Variants in AKNAD1 observed in about 807,000 individuals in gnomAD.
AKNAD1 encodes protein AKNAD1.
AKNAD1 carries 67 observed loss-of-function variants against 90.8 expected under a neutral mutation model. That is an observed-to-expected ratio of 0.74 (90% CI 0.61 to 0.90). The LOEUF (loss-of-function observed/expected upper bound fraction) is 0.90. Ranked by LOEUF, AKNAD1 falls within the 40% of genes least tolerant of loss-of-function variation. AKNAD1 has a pLI of 0.00. For synonymous variants in AKNAD1, 327 were observed against 341.4 expected, an observed-to-expected ratio of 0.96 and a Z score of 0.46; for missense variants, 957 against 975.4, an observed-to-expected ratio of 0.98 and a Z score of 0.25.
rs775891282 is a variant in AKNAD1 at position 108,851,985 on chromosome 1, C to A, written c.680G>T (p.Ser227Ile). The A allele has an allele frequency of 1.2e-6, 2 of 1,614,134 alleles. No individual in the cohort carries two copies. Among genetic ancestry groups the A allele is most frequent in the South Asian group, 2.2e-5 (2 of 91,080 alleles). Residue 227 changes from serine to isoleucine, a missense_variant, in exon 2 of 16, where the codon AGT becomes ATT. Ser to Ile is a moderately radical substitution (Grantham distance 142). Transcript: ENST00000370001. Reference protein sequence around the residue: ...KTKGPGDKQKSYQGQSPQKQQ... With the variant: ...KTKGPGDKQKIYQGQSPQKQQ... Reference sequence around the variant, plus strand: ...TTTCTGGGGTGACTGCCCTTGATAACTTTTTTGTTTATCACCTGGACCCTT... The same window carrying A: ...TTTCTGGGGTGACTGCCCTTGATAAATTTTTTGTTTATCACCTGGACCCTT...
rs1664713045 is a variant in AKNAD1, at chr1:108,846,768, G to T, written c.1245+1984C>A. 2.6e-5 allele frequency among the ~76,000 whole-genome samples: 4 copies of T among 151,990 alleles called. No homozygotes were observed. In the South Asian group the frequency reaches 8.3e-4, roughly 32 times the overall value. On this transcript the variant is annotated intron_variant, in intron 5 of 15. Coordinates refer to ENST00000370001, the MANE Select transcript of AKNAD1 (RefSeq NM_152763.5). ...ATTTCTCACCCAAACAGCTCTGCAG[G>T]CCAGATCCACTGGTCTAACTGCCTA...
At chr1:108,818,123 A>G (rs1663682761) in intron 14 of AKNAD1, among the ~76,000 whole-genome samples, 2 of 152,026 alleles carry the variant, frequency 1.3e-5, no homozygotes, top group Non-Finnish European at 2.9e-5. Context: ...CACTGCCTGG[A>G]GTTAGGCTTT....
chr1:108,827,402 G>T lies in AKNAD1; in HGVS notation c.1839-100C>A, dbSNP rs1027282730. The stretch of plus-strand genomic sequence containing the variant: ...AAACGTTAAATTTTGTTATATTAGA[G>T]CCTGGAACAGTGTAGGAGGGGCTTG... On this transcript the variant is annotated intron_variant, in intron 10 of 15. Coordinates refer to ENST00000370001, the MANE Select transcript of AKNAD1 (RefSeq NM_152763.5). 3 of 858,950 alleles carry T rather than the reference G, an allele frequency of 3.5e-6. No individual in the cohort carries two copies. In the African/African-American group the frequency reaches 5.0e-5, roughly 14 times the overall value. 53.2% of individuals were successfully genotyped at this position (858,950 alleles called of 1,614,324 possible).
chr1:108,852,447 A>G lies in AKNAD1; in HGVS notation c.218T>C (p.Leu73Pro), dbSNP rs1200756923. Residue 73 changes from leucine to proline, a missense_variant, in exon 2 of 16, where the codon CTG (leucine) becomes CCG (proline). Physicochemically the swap from Leu to Pro is moderately conservative, Grantham distance 98. Coordinates refer to ENST00000370001, the MANE Select transcript of AKNAD1 (RefSeq NM_152763.5). ...TCGNTAVTIPLGKITENAANK... is the reference protein window; with the variant it reads ...TCGNTAVTIPPGKITENAANK... ...GGCAGCATTTTCAGTAATTTTACCC[A>G]GGGGTATGGTCACAGCTGTATTTCC... The G allele has an allele frequency of 6.2e-7, 1 of 1,613,718 alleles. No homozygotes were observed. Among genetic ancestry groups the G allele is most frequent in the East Asian group, 2.2e-5 (1 of 44,886 alleles).
Position 108,851,815 on chromosome 1 carries a change from T to C in AKNAD1, c.850A>G (p.Lys284Glu), listed in dbSNP as rs1439141200. ...KIINKPLAIA[K>E]QASFSSKSRD... ...GACTTGGAAGAAAAGCTGGCTTGTT[T>C]AGCTATTGCAAGTGGTTTATTAATT... is the stretch of plus-strand genomic sequence containing the variant. The change falls in exon 2 of 16, where the codon AAA becomes GAA. Residue 284 changes from lysine to glutamate, a missense_variant. Lys to Glu is a moderately conservative substitution (Grantham distance 56). Transcript: ENST00000370001. 17 of 1,614,072 alleles carry C rather than the reference T, an allele frequency of 1.1e-5. No individual in the cohort carries two copies. The East Asian group carries it at 3.6e-4, about 34-fold the overall frequency.
At chr1:108,829,970 T>A (rs1316955598) in intron 10 of AKNAD1, among the ~76,000 whole-genome samples, 2 of 152,208 alleles carry the variant, frequency 1.3e-5, no homozygotes, top group Non-Finnish European at 2.9e-5. Context: ...CTGAGGATTT[T>A]ACATGATTTA....
intron 6 of AKNAD1, among the ~76,000 whole-genome samples, chr1:108,840,715 C>A (rs1427728802): frequency 3.3e-5 from 5 of 151,904 alleles, no homozygotes; most frequent in Non-Finnish European, 7.4e-5. Flanking sequence ...ATATAAGGGG[C>A]TTTTTCAACC....
At chr1:108,832,444 C>T (rs1237650360) in intron 9 of AKNAD1, among the ~76,000 whole-genome samples, 1 of 151,922 alleles carries the variant, frequency 6.6e-6, no homozygotes, top group Non-Finnish European at 1.5e-5. Flanking sequence ...AGGCTGGTCT[C>T]GAACTCCTGA....
chr1:108,839,214 G>A (rs1026923046), intron 6 of AKNAD1, among the ~76,000 whole-genome samples: 25 of 152,110 alleles, frequency 1.6e-4, no homozygotes, highest in African/African-American at 5.8e-4. Context: ...GGCCCGGCGC[G>A]GTAGTTCACG....
At chr1:108,841,008 T>C (rs1664534869) in intron 6 of AKNAD1, among the ~76,000 whole-genome samples, 2 of 151,964 alleles carry the variant, frequency 1.3e-5, no homozygotes. Context: ...CCGTCTTTAC[T>C]AAAAATATGA....
chr1:108,852,604 C>T lies in AKNAD1; in HGVS notation c.61G>A (p.Gly21Arg), dbSNP rs1232242918. 1.2e-6 allele frequency: 2 copies of T among 1,609,854 alleles called. No individual in the cohort carries two copies. Among genetic ancestry groups the T allele is most frequent in the Admixed American group, 1.7e-5 (1 of 58,904 alleles). ...TYKQEDLPYD[G>R]DLSQIKIGND... ...CCTATCTTAATCTGAGAGAGGTCCC[C>T]ATCATAAGGCAAATCCTCCTGCTTA... The change falls in exon 2 of 16, where the codon GGG (glycine) becomes AGG (arginine). Residue 21 changes from glycine to arginine, a missense_variant. Coordinates refer to ENST00000370001, the MANE Select transcript of AKNAD1 (RefSeq NM_152763.5).
intron 3 of AKNAD1, 55 bp downstream of exon 3, chr1:108,849,482 A>G: frequency 8.3e-7 from 1 of 1,200,882 alleles, no homozygotes; most frequent in Non-Finnish European, 1.2e-6. Context: ...CTGTCTCAAA[A>G]AGACAAAAAC....
chr1:108,834,392 G>GGCTCT, intron 9 of AKNAD1, 55 bp downstream of exon 9: 1 of 1,444,380 alleles, frequency 6.9e-7, no homozygotes, highest in Non-Finnish European at 9.5e-7. Context: ...ACTGGTTTTA[G>GGCTCT]TTAAAGAGCC....
In AKNAD1 at chr1:108,827,178, G is replaced by A. The variant is rs747826508; in HGVS notation, c.1936+27C>T. 5 of 1,569,700 alleles carry A rather than the reference G, an allele frequency of 3.2e-6. No homozygotes were observed. The East Asian group carries it at 1.2e-4, about 36-fold the overall frequency. On this transcript the variant is annotated intron_variant, in intron 11 of 15. Coordinates refer to ENST00000370001, the MANE Select transcript of AKNAD1 (RefSeq NM_152763.5). The stretch of plus-strand genomic sequence containing the variant: ...CATGGGGAGGGACACTGAAAAATGA[G>A]CACCCAGCCCAAGCCCATCAACTTA...
intron 11 of AKNAD1, among the ~76,000 whole-genome samples, chr1:108,824,720 G>T (rs1009178272): frequency 2.3e-4 from 35 of 151,028 alleles, no homozygotes; most frequent in African/African-American, 8.0e-4. Context: ...GTTTTGTTTT[G>T]TTTTTATGTT....
intron 9 of AKNAD1, 50 bp from the exon 10 acceptor site, chr1:108,830,700 G>T: frequency 1.3e-6 from 2 of 1,578,686 alleles, no homozygotes; most frequent in Non-Finnish European, 8.7e-7. Flanking sequence ...TGTGACTCAC[G>T]CCGCGGCTGC....
rs539650509 is a variant in AKNAD1, at chr1:108,821,355, G to A, written c.2168-729C>T. On this transcript the variant is annotated intron_variant, in intron 13 of 15. Coordinates refer to ENST00000370001, the MANE Select transcript of AKNAD1 (RefSeq NM_152763.5). ...AATCCCAGCTACTTGGGAGACTGAG[G>A]CATGAGAGTCATTTGAACCCAGGAG... is the stretch of plus-strand genomic sequence containing the variant. 9.2e-5 allele frequency among the ~76,000 whole-genome samples: 14 copies of A among 152,162 alleles called. No homozygotes were observed. In the South Asian group the frequency reaches 2.5e-3, roughly 27 times the overall value.
intron 6 of AKNAD1, among the ~76,000 whole-genome samples, chr1:108,839,781 G>A (rs1455451044): frequency 1.3e-5 from 2 of 152,304 alleles, no homozygotes; most frequent in African/African-American, 4.8e-5. Context: ...CACTTTGGGA[G>A]ACCACAGTGT....
At chr1:108,830,321 G>A (rs1664145508) in intron 10 of AKNAD1, among the ~76,000 whole-genome samples, 1 of 152,198 alleles carries the variant, frequency 6.6e-6, no homozygotes, top group African/African-American at 2.4e-5. Flanking sequence ...AGGTGGGATG[G>A]AGGCATGTGC....
Sources: allele counts gnomAD v4.1 joint callset (sites outside exome capture counted in the v4.1 genomes callset), GRCh38; gene constraint gnomAD v4.1.1; transcripts MANE v1.5; gene names NCBI Gene and HGNC (gene_info 2026-07-23, HGNC 2026-07-21).